GPBP1L1: variants seen among roughly 807,000 people sequenced by gnomAD.
GPBP1L1 encodes the protein vasculin-like protein 1.
A neutral mutation model predicts 52.5 loss-of-function variants in GPBP1L1; 23 were observed. The observed-to-expected ratio is 0.44, with a 90% CI of 0.32 to 0.62. The LOEUF is 0.62. GPBP1L1 is among the 20% of genes least tolerant of loss of function. The pLI, the probability that GPBP1L1 is intolerant of heterozygous loss-of-function variation, is 0.06. For synonymous variants in GPBP1L1, 243 were observed against 203.1 expected, an observed-to-expected ratio of 1.20 and a Z score of -1.67; for missense variants, 596 against 579.3, an observed-to-expected ratio of 1.03 and a Z score of -0.30.
At chr1:45,659,283 A>AT in intron 3 of GPBP1L1, 141 bp from the exon 4 acceptor site, 1 of 562,924 alleles carries the variant, frequency 1.8e-6, no homozygotes, top group East Asian at 3.1e-5. Context: ...ACCAAGCCTT[A>AT]TAACTCAGAG....
intron 7 of GPBP1L1, 40 bp downstream of exon 7, chr1:45,642,387 A>C (rs531963545): frequency 1.8e-5 from 25 of 1,415,036 alleles, no homozygotes; most frequent in African/African-American, 1.7e-4. Flanking sequence ...CTAAGAAAAA[A>C]TTTTAAAGTT....
At chr1:45,684,258 C>CAAAAAATAAA (rs1645251177) in intron 2 of GPBP1L1, among the ~76,000 whole-genome samples, 1 of 88,478 alleles carries the variant, frequency 1.1e-5, no homozygotes, top group Non-Finnish European at 2.1e-5. Context: ...AACTCCGTCT[C>CAAAAAATAAA]AAAAAAAAAA....
At chr1:45,666,906 T>C (rs1441720318) in intron 2 of GPBP1L1, among the ~76,000 whole-genome samples, 1 of 152,178 alleles carries the variant, frequency 6.6e-6, no homozygotes, top group Admixed American at 6.6e-5. Flanking sequence ...ACAACATGGA[T>C]GAACCATGAA....
At chr1:45,665,139 A>AT in intron 2 of GPBP1L1, among the ~76,000 whole-genome samples, 3 of 152,174 alleles carry the variant, frequency 2.0e-5, no homozygotes, top group African/African-American at 7.2e-5. Flanking sequence ...TAAATACAAA[A>AT]ATTCGCTGGG....
Position 45,640,282 on chromosome 1 carries a change from C to A in GPBP1L1, c.672G>T (p.Gly224=). Residue 224 remains glycine (G), a synonymous_variant, in exon 8 of 13, where the codon GGG becomes GGT. Coordinates refer to ENST00000355105, the MANE Select transcript of GPBP1L1 (RefSeq NM_021639.5). ...FTSPGSHHAN[G]NKLSSVVPSV... is the part of the protein sequence containing the mutation. ...TTGGAACCACGGATGACAATTTGTT[C>A]CCATTTGCATGGTGAGATCCTGGTG... is the stretch of plus-strand genomic sequence containing the variant. The A allele has an allele frequency of 6.2e-7, 1 of 1,614,100 alleles. No homozygotes were observed. Among genetic ancestry groups the A allele is most frequent in the South Asian group, 1.1e-5 (1 of 91,080 alleles).
At chr1:45,674,074 A>G (rs1313850717) in intron 2 of GPBP1L1, among the ~76,000 whole-genome samples, 1 of 77,010 alleles carries the variant, frequency 1.3e-5, no homozygotes, top group African/African-American at 4.3e-5. Context: ...TGAAATTGTC[A>G]AAAAAAAGAA....
rs143580004 is a variant in GPBP1L1, at chr1:45,641,461, AACACAC to A, written c.550+960_550+965del. Among the ~76,000 whole-genome samples the A allele has an allele frequency of 3.7e-3, 543 of 146,846 alleles. 6 individuals carry two copies. Among genetic ancestry groups the A allele is most frequent in the East Asian group, 0.021 (106 of 5,052 alleles). On this transcript the variant is annotated intron_variant, in intron 7 of 12. Transcript: ENST00000355105. The stretch of plus-strand genomic sequence containing the variant: ...ATATATATACACACACATACACATA[AACACAC>A]ACACACACACACACACACACGAATA...
Position 45,675,251 on chromosome 1 carries a change from C to T in GPBP1L1, c.-1098+10325G>A, listed in dbSNP as rs909934303. On this transcript the variant is annotated intron_variant, in intron 2 of 12. Transcript: ENST00000355105. Reference sequence around the variant, plus strand: ...GGCGGAGGTTGCAGTGAGCCGAGATCGAGCCACTGCACTCCAGCCTGGCAA... The same window carrying T: ...GGCGGAGGTTGCAGTGAGCCGAGATTGAGCCACTGCACTCCAGCCTGGCAA... Among the ~76,000 whole-genome samples the T allele has an allele frequency of 7.9e-5, 12 of 151,780 alleles. No individual in the cohort carries two copies. In the South Asian group the frequency reaches 1.0e-3, roughly 13 times the overall value.
At chr1:45,636,744 A>G (rs992300231) in intron 8 of GPBP1L1, among the ~76,000 whole-genome samples, 1 of 152,244 alleles carries the variant, frequency 6.6e-6, no homozygotes, top group East Asian at 1.9e-4. Context: ...GCAAAATCTA[A>G]TAACTTGCTT....
At chr1:45,687,089 C>G (rs1202192532), upstream of GPBP1L1, 1 of 152,272 alleles carries the variant, frequency 6.6e-6, no homozygotes. Context: ...GTCGTTGAGA[C>G]TCCAGTCCCC....
chr1:45,637,780 A>C (rs1302655227), intron 8 of GPBP1L1, among the ~76,000 whole-genome samples: 2 of 152,200 alleles, frequency 1.3e-5, no homozygotes, highest in African/African-American at 4.8e-5. Context: ...TGGGACAAAC[A>C]TAAGTTGTGC....
intron 1 of GPBP1L1, among the ~76,000 whole-genome samples, 194 bp downstream of exon 1, chr1:45,686,218 G>C (rs898403482): frequency 1.3e-5 from 2 of 152,232 alleles, no homozygotes; most frequent in African/African-American, 4.8e-5. Flanking sequence ...CACGGGGGAG[G>C]CGGGGGTGCC....
Position 45,656,728 on chromosome 1 carries a change from C to T in GPBP1L1, c.61-1409G>A, listed in dbSNP as rs547508802. On this transcript the variant is annotated intron_variant, in intron 4 of 12. Coordinates refer to ENST00000355105, the MANE Select transcript of GPBP1L1 (RefSeq NM_021639.5). ...TCACCCAGGCTGGAGTACAGTAGCC[C>T]GATCACAGCTCACTGTAGCCTCAAA... Among the ~76,000 whole-genome samples the T allele has an allele frequency of 5.3e-5, 8 of 151,544 alleles. No individual in the cohort carries two copies. In the East Asian group the frequency reaches 7.8e-4, roughly 15 times the overall value.
Position 45,654,652 on chromosome 1 carries a change from C to A in GPBP1L1, c.368G>T (p.Ser123Ile). ...GTGNHRHWNG[S>I]FHSRKGCAFQ... The stretch of plus-strand genomic sequence containing the variant: ...AGCACACCCTTTCCGGGAGTGGAAG[C>A]TGCCATTCCAATGGCGATGGTTCCC... The change falls in exon 6 of 13, where the codon AGC (serine) becomes ATC (isoleucine). Residue 123 changes from serine to isoleucine, a missense_variant. Ser to Ile is a moderately radical substitution (Grantham distance 142). Coordinates refer to ENST00000355105, the MANE Select transcript of GPBP1L1 (RefSeq NM_021639.5). 2 of 1,614,196 alleles carry A rather than the reference C, an allele frequency of 1.2e-6. No individual in the cohort carries two copies. Among genetic ancestry groups the A allele is most frequent in the Non-Finnish European group, 1.7e-6 (2 of 1,180,026 alleles).
intron 11 of GPBP1L1, 93 bp downstream of exon 11, chr1:45,630,389 T>C (rs1644514671): frequency 1.4e-6 from 2 of 1,435,278 alleles, no homozygotes; most frequent in South Asian, 1.3e-5. Context: ...TCTCTCTGCA[T>C]GTGGGACCTA....
intron 2 of GPBP1L1, among the ~76,000 whole-genome samples, chr1:45,670,923 GCTGGGA>G (rs891850085): frequency 1.3e-5 from 2 of 150,868 alleles, no homozygotes; most frequent in Non-Finnish European, 2.9e-5. Flanking sequence ...CTCCCGAGTA[GCTGGGA>G]CTACAGGCGC....
intron 7 of GPBP1L1, among the ~76,000 whole-genome samples, chr1:45,641,461 AACACACAC>A (rs143580004): frequency 6.0e-4 from 88 of 146,848 alleles, no homozygotes; most frequent in African/African-American, 1.8e-3. Flanking sequence ...CATACACATA[AACACACAC>A]ACACACACAC....
chr1:45,666,959 G>C (rs1645017504), intron 2 of GPBP1L1, among the ~76,000 whole-genome samples: 1 of 152,220 alleles, frequency 6.6e-6, no homozygotes, highest in Non-Finnish European at 1.5e-5. Flanking sequence ...AAAACTGTAA[G>C]TTGTATTATT....
chr1:45,652,520 C>T (rs938949544), intron 6 of GPBP1L1, among the ~76,000 whole-genome samples: 4 of 152,176 alleles, frequency 2.6e-5, no homozygotes, highest in East Asian at 3.9e-4. Flanking sequence ...TAATGAAGTA[C>T]GTAAGAAATC....
Sources: allele counts gnomAD v4.1 joint callset (sites outside exome capture counted in the v4.1 genomes callset), GRCh38; gene constraint gnomAD v4.1.1; transcripts MANE v1.5; gene names NCBI Gene and HGNC (gene_info 2026-07-23, HGNC 2026-07-21).